The following MSRB3 variants were observed in gnomAD, a reference collection of about 807,000 sequenced individuals.
MSRB3 encodes the protein methionine-R-sulfoxide reductase B3.
MSRB3 carries 13 observed loss-of-function variants against 21.0 expected under a neutral mutation model. That is an observed-to-expected ratio of 0.62 (90% CI 0.40 to 0.98). The LOEUF is 0.98. Among genes scored for constraint, MSRB3 ranks in the 50% least tolerant of loss-of-function variants. The pLI is 0.00. For synonymous variants in MSRB3, 87 were observed against 88.6 expected, an observed-to-expected ratio of 0.98 and a Z score of 0.10; for missense variants, 199 against 230.3, an observed-to-expected ratio of 0.86 and a Z score of 0.88.
chr12:65,419,228 C>G (rs1377965183), intron 5 of MSRB3: 2 of 720,760 alleles, frequency 2.8e-6, no homozygotes, highest in African/African-American at 1.7e-5. Flanking sequence ...TCCAGCCCTT[C>G]TCAGTTCTTC....
At chr12:65,288,729 A>G (rs953912970) in intron 1 of MSRB3, among the ~76,000 whole-genome samples, 1 of 152,206 alleles carries the variant, frequency 6.6e-6, no homozygotes, top group African/African-American at 2.4e-5. Flanking sequence ...CTCATTTAGC[A>G]GGATATATTA....
intron 1 of MSRB3, among the ~76,000 whole-genome samples, chr12:65,291,412 C>T (rs1459259449): frequency 6.6e-6 from 1 of 151,044 alleles, no homozygotes; most frequent in African/African-American, 2.4e-5. Context: ...TTTTTGATGT[C>T]TTAAAGTTTT....
chr12:65,287,131 CTTTTTTTT>C (rs368441408), intron 1 of MSRB3, among the ~76,000 whole-genome samples: 1 of 124,766 alleles, frequency 8.0e-6, no homozygotes, highest in Non-Finnish European at 1.7e-5. Flanking sequence ...TTTCATTTCT[CTTTTTTTT>C]TTTTTTTTGG....
chr12:65,430,958 A>G (rs1881849027), intron 5 of MSRB3, among the ~76,000 whole-genome samples: 1 of 152,138 alleles, frequency 6.6e-6, no homozygotes, highest in Non-Finnish European at 1.5e-5. Context: ...TACAAGTTCA[A>G]GTTTGCTCAA....
chr12:65,453,955 C>T (rs1016276177), intron 6 of MSRB3, 130 bp downstream of exon 6: 25 of 753,386 alleles, frequency 3.3e-5, no homozygotes, highest in African/African-American at 5.1e-5. Flanking sequence ...ATATGAAGTC[C>T]GATGGATGCC....
chr12:65,287,163 T>C lies in MSRB3; in HGVS notation c.-52+8298T>C, dbSNP rs1366021608. On this transcript the variant is annotated intron_variant, in intron 1 of 6. Transcript: ENST00000308259. The stretch of plus-strand genomic sequence containing the variant: ...TTTTTTTTTTGGCTGCCGCCCAGGC[T>C]GGAGTGCCATGGCAGGATCATAGCA... Among the ~76,000 whole-genome samples the C allele has an allele frequency of 2.8e-5, 4 of 143,042 alleles. No individual in the cohort carries two copies. In the Admixed American group the frequency reaches 2.8e-4, roughly 10 times the overall value. 93.8% of individuals were successfully genotyped at this position (143,042 alleles called of 152,430 possible).
intron 5 of MSRB3, among the ~76,000 whole-genome samples, chr12:65,387,602 T>C (rs1183255110): frequency 1.3e-5 from 2 of 152,172 alleles, no homozygotes; most frequent in African/African-American, 2.4e-5. Context: ...AGACCATCAT[T>C]TGAATCCTGG....
intron 1 of MSRB3, among the ~76,000 whole-genome samples, chr12:65,298,347 G>T (rs936852006): frequency 6.6e-6 from 1 of 152,202 alleles, no homozygotes; most frequent in African/African-American, 2.4e-5. Flanking sequence ...AGAATAATTA[G>T]TGAAGAAAGA....
chr12:65,389,837 A>G (rs1164327328), intron 5 of MSRB3, among the ~76,000 whole-genome samples: 1 of 152,236 alleles, frequency 6.6e-6, no homozygotes, highest in Non-Finnish European at 1.5e-5. Flanking sequence ...GCTGGAGGAA[A>G]GAGTATAATT....
chr12:65,321,246 C>T (rs1874643329), intron 2 of MSRB3, among the ~76,000 whole-genome samples: 1 of 152,074 alleles, frequency 6.6e-6, no homozygotes, highest in African/African-American at 2.4e-5. Flanking sequence ...GTACTTAGAT[C>T]TATTTAGTAC....
chr12:65,458,517 G>A (rs1437388705), intron 6 of MSRB3, among the ~76,000 whole-genome samples: 1 of 152,194 alleles, frequency 6.6e-6, no homozygotes, highest in Non-Finnish European at 1.5e-5. Context: ...AAGAATTGTT[G>A]TGTAGGAAAC....
chr12:65,371,811 A>G (rs1878345034), intron 5 of MSRB3, among the ~76,000 whole-genome samples: 1 of 152,154 alleles, frequency 6.6e-6, no homozygotes, highest in African/African-American at 2.4e-5. Context: ...TATCCTAGAA[A>G]TTGATTTAAA....
At position 65,278,977 on chromosome 12, in the gene MSRB3, C is replaced by A. The variant is rs1871832301; in HGVS notation, c.-52+112C>A. 3 of 1,494,514 alleles carry A rather than the reference C, an allele frequency of 2.0e-6. No individual in the cohort carries two copies. The South Asian group carries it at 4.0e-5, about 20-fold the overall frequency. The allele number at this position is 1,494,514 out of a possible 1,614,324, so 92.6% of individuals were successfully genotyped here. The stretch of plus-strand genomic sequence containing the variant: ...ATTCCATTCTGCGCCTGCTGCGCCC[C>A]CTCGGCCACCTGCGGGGACAGCCCC... On this transcript the variant is annotated intron_variant, in intron 1 of 6. Coordinates refer to ENST00000308259, the MANE Select transcript of MSRB3 (RefSeq NM_001031679.3).
At chr12:65,456,559 C>T (rs1161013543) in intron 6 of MSRB3, among the ~76,000 whole-genome samples, 1 of 152,206 alleles carries the variant, frequency 6.6e-6, no homozygotes, top group African/African-American at 2.4e-5. Flanking sequence ...GTTGGCCCCT[C>T]AGTTAAAGCC....
intron 5 of MSRB3, among the ~76,000 whole-genome samples, chr12:65,423,887 T>C (rs1269078794): frequency 6.6e-6 from 1 of 152,336 alleles, no homozygotes; most frequent in South Asian, 2.1e-4. Context: ...TTCAATTCTT[T>C]GGAAGAGTTT....
chr12:65,412,974 G>A (rs758844136), intron 5 of MSRB3, among the ~76,000 whole-genome samples: 2 of 152,094 alleles, frequency 1.3e-5, no homozygotes, highest in Non-Finnish European at 2.9e-5. Context: ...CAGCATGGGC[G>A]AAACTGCCCC....
At chr12:65,305,638 GA>G (rs1873608808) in intron 1 of MSRB3, among the ~76,000 whole-genome samples, 1 of 152,136 alleles carries the variant, frequency 6.6e-6, no homozygotes, top group Non-Finnish European at 1.5e-5. Context: ...CTAAAAAGGG[GA>G]AAATGATAGT....
chr12:65,286,781 C>T (rs1200357816), intron 1 of MSRB3: 1 of 150,226 alleles, frequency 6.7e-6, no homozygotes, highest in East Asian at 1.9e-4. Flanking sequence ...CTTTGGGAGG[C>T]AAGGAAGGAG....
chr12:65,422,234 C>T (rs188002692), intron 5 of MSRB3, among the ~76,000 whole-genome samples: 6 of 151,706 alleles, frequency 4.0e-5, no homozygotes, highest in African/African-American at 1.5e-4. Context: ...AAAGCAAGTC[C>T]TTAGAGACCT....
Sources: allele counts gnomAD v4.1 joint callset (sites outside exome capture counted in the v4.1 genomes callset), GRCh38; gene constraint gnomAD v4.1.1; transcripts MANE v1.5; gene names NCBI Gene and HGNC (gene_info 2026-07-23, HGNC 2026-07-21).